KAZN: variants seen among roughly 807,000 people sequenced by gnomAD.
The protein encoded by KAZN is kazrin.
In KAZN, 40 loss-of-function variants were observed where a neutral mutation model predicts 87.4. That is an observed-to-expected ratio of 0.46 (90% CI 0.36 to 0.60). The LOEUF is 0.60. Among genes scored for constraint, KAZN ranks in the 20% least tolerant of loss-of-function variants. KAZN has a pLI of 0.00. For synonymous variants in KAZN, 466 were observed against 458.3 expected (o/e 1.02, Z -0.22); for missense variants, 898 against 1,073.9 (o/e 0.84, Z 2.29).
chr1:14,683,269 C>T (rs1183755438), intron 1 of KAZN, among the ~76,000 whole-genome samples: 5 of 152,076 alleles, frequency 3.3e-5, no homozygotes, highest in East Asian at 1.9e-4. Flanking sequence ...CAATAAAGGT[C>T]GTAATTAAAA....
chr1:14,892,938 A>G (rs1426264684), intron 1 of KAZN, among the ~76,000 whole-genome samples: 1 of 152,230 alleles, frequency 6.6e-6, no homozygotes, highest in Non-Finnish European at 1.5e-5. Context: ...TCCTCCACAA[A>G]TATTTACAAG....
intron 2 of KAZN, among the ~76,000 whole-genome samples, chr1:15,029,390 A>G (rs962931141): frequency 2.0e-5 from 3 of 152,220 alleles, no homozygotes; most frequent in African/African-American, 7.2e-5. Flanking sequence ...GCAGAAGCGA[A>G]TAATCTAAAG....
At chr1:14,724,890 C>T (rs535411286) in intron 1 of KAZN, among the ~76,000 whole-genome samples, 1 of 152,192 alleles carries the variant, frequency 6.6e-6, no homozygotes, top group Admixed American at 6.5e-5. Flanking sequence ...CCTGTCAAGT[C>T]GGAAAGAAGT....
At chr1:15,058,966 G>A (rs68100905) in intron 5 of KAZN, among the ~76,000 whole-genome samples, 16,841 of 151,984 alleles carry the variant, frequency 0.11, 1,611 homozygotes, top group East Asian at 0.58. Context: ...AGGTTGTGGC[G>A]AGCAAAGAAC....
intron 2 of KAZN, among the ~76,000 whole-genome samples, chr1:14,970,894 T>G (rs1222597779): frequency 1.3e-4 from 20 of 152,222 alleles, no homozygotes; most frequent in Admixed American, 1.3e-3. Context: ...TAAGCCCATT[T>G]TGTAGTTGGG....
chr1:14,180,933 A>G (rs1646184051), intron 2 of KAZN, among the ~76,000 whole-genome samples: 1 of 152,164 alleles, frequency 6.6e-6, no homozygotes, highest in African/African-American at 2.4e-5. Context: ...TAGAGCAAAT[A>G]CTTGTCCCAA....
chr1:13,900,216 G>C (rs137865032), intron 1 of KAZN, among the ~76,000 whole-genome samples: 1 of 152,216 alleles, frequency 6.6e-6, no homozygotes, highest in East Asian at 1.9e-4. Flanking sequence ...ATAGTCCCTT[G>C]GGCTGATCAG....
intron 1 of KAZN, among the ~76,000 whole-genome samples, chr1:14,843,339 T>C (rs763549335): frequency 3.3e-5 from 5 of 152,244 alleles, no homozygotes; most frequent in Non-Finnish European, 5.9e-5. Flanking sequence ...AAGACCTCTC[T>C]GAGGAGGTAG....
chr1:14,838,749 G>C (rs963302751), intron 1 of KAZN, among the ~76,000 whole-genome samples: 1 of 152,096 alleles, frequency 6.6e-6, no homozygotes, highest in Non-Finnish European at 1.5e-5. Flanking sequence ...AGCCTCCTGA[G>C]TACCTGGAAT....
chr1:15,066,298 G>A lies in KAZN; in HGVS notation c.1222+545G>A, dbSNP rs1320493931. 13 of 985,854 alleles carry A rather than the reference G, an allele frequency of 1.3e-5. No homozygotes were observed. The South Asian group carries it at 2.3e-4, about 18-fold the overall frequency. The allele number at this position is 985,854 out of a possible 1,614,324, so 61.1% of individuals were successfully genotyped here. On this transcript the variant is annotated intron_variant, in intron 8 of 14. Coordinates refer to ENST00000376030, the MANE Select transcript of KAZN (RefSeq NM_201628.3). This position sits in a 1 kb window ranked among gnomAD's most constrained non-coding sequence, Gnocchi z 4.3. ...GTCCAAACCGCTACTCCTGGAGCCC[G>A]TCTGGCAGAGGATGTGGTCTGTTTT...
intron 1 of KAZN, among the ~76,000 whole-genome samples, chr1:14,918,985 A>T (rs1479221295): frequency 6.6e-6 from 1 of 152,004 alleles, no homozygotes; most frequent in Non-Finnish European, 1.5e-5. Context: ...GTGATTTGTT[A>T]TGCAGCAATA....
At chr1:13,924,431 A>G (rs769595521) in intron 1 of KAZN, among the ~76,000 whole-genome samples, 16 of 152,226 alleles carry the variant, frequency 1.1e-4, no homozygotes, top group Non-Finnish European at 1.9e-4. Context: ...TCTTTTTAAA[A>G]AACAGCTTTA....
chr1:13,894,573 T>C (rs1018265804), intron 1 of KAZN, among the ~76,000 whole-genome samples: 1 of 152,198 alleles, frequency 6.6e-6, no homozygotes, highest in African/African-American at 2.4e-5. Flanking sequence ...CACACATTCC[T>C]CCAATGTTTT....
intron 2 of KAZN, among the ~76,000 whole-genome samples, chr1:14,376,633 A>G (rs189650563): frequency 1.3e-4 from 20 of 152,368 alleles, no homozygotes; most frequent in African/African-American, 4.8e-4. Context: ...TAACAATAAA[A>G]AATGGACTAA....
intron 1 of KAZN, among the ~76,000 whole-genome samples, chr1:14,070,374 C>T (rs1183736918): frequency 6.6e-6 from 1 of 151,824 alleles, no homozygotes; most frequent in Non-Finnish European, 1.5e-5. Flanking sequence ...AAAATACATA[C>T]AGAAAAGAAA....
intron 2 of KAZN, among the ~76,000 whole-genome samples, chr1:14,319,670 G>A (rs1167434293): frequency 4.6e-5 from 7 of 152,124 alleles, no homozygotes; most frequent in Admixed American, 3.9e-4. Context: ...TGTAAGCTCC[G>A]GGCAGAACAT....
rs539696740 is a variant in KAZN, at chr1:14,351,547, G to C, written c.249+170955G>C. Among the ~76,000 whole-genome samples the C allele has an allele frequency of 2.0e-5, 3 of 152,286 alleles. No individual in the cohort carries two copies. The South Asian group carries it at 6.2e-4, about 32-fold the overall frequency. ...GCACTCCAGCCTGGCGACAGAGCTA[G>C]ACTCCAGTCTCAAAAACAAACAAAC... On this transcript the variant is annotated intron_variant, in intron 2 of 16. Coordinates refer to the KAZN transcript ENST00000636203.
intron 2 of KAZN, among the ~76,000 whole-genome samples, chr1:14,980,477 C>G (rs975764971): frequency 1.3e-4 from 20 of 152,144 alleles, no homozygotes; most frequent in Non-Finnish European, 2.6e-4. Flanking sequence ...GTGCTACGCG[C>G]AGGTGACCAT....
At chr1:14,213,082 C>A (rs1440406662) in intron 2 of KAZN, among the ~76,000 whole-genome samples, 1 of 152,120 alleles carries the variant, frequency 6.6e-6, no homozygotes, top group East Asian at 1.9e-4. Context: ...TTAGCATCCT[C>A]TACTTGGGAA....
Sources: allele counts gnomAD v4.1 joint callset (sites outside exome capture counted in the v4.1 genomes callset), GRCh38; gene constraint gnomAD v4.1.1; non-coding constraint Gnocchi (gnomAD v3.1); transcripts MANE v1.5; gene names NCBI Gene and HGNC (gene_info 2026-07-23, HGNC 2026-07-21).